ZNF423: variants seen among roughly 807,000 people sequenced by gnomAD.
ZNF423 encodes the protein zinc finger protein 423.
A neutral mutation model predicts 95.8 loss-of-function variants in ZNF423; 12 were observed. That is an observed-to-expected ratio of 0.13 (90% CI 0.08 to 0.20). The LOEUF (loss-of-function observed/expected upper bound fraction) is 0.20, where lower values mean the gene tolerates loss of function less well. ZNF423 is among the 10% of genes least tolerant of loss of function. The pLI is 1.00. For missense variants in ZNF423, 1,316 were observed against 1,737.1 expected (o/e 0.76, Z 4.31); for synonymous variants, 749 against 711.9 (o/e 1.05, Z -0.83).
At chr16:49,524,464 C>T (rs777424250) in intron 6 of ZNF423, among the ~76,000 whole-genome samples, 2 of 152,082 alleles carry the variant, frequency 1.3e-5, no homozygotes, top group African/African-American at 4.8e-5. Flanking sequence ...GGGGCTCCTG[C>T]GATGAGGGGG....
intron 2 of ZNF423, among the ~76,000 whole-genome samples, chr16:49,784,823 G>A (rs564228178): frequency 1.0e-3 from 156 of 151,982 alleles, no homozygotes; most frequent in South Asian, 3.3e-3. Context: ...GGTGGCACAC[G>A]TCTGTAATCC....
chr16:49,553,203 C>T (rs1037715873), intron 5 of ZNF423, among the ~76,000 whole-genome samples: 4 of 152,140 alleles, frequency 2.6e-5, no homozygotes, highest in African/African-American at 4.8e-5. Context: ...TTACCCTACA[C>T]AGGGATGTTA....
intron 5 of ZNF423, among the ~76,000 whole-genome samples, chr16:49,543,317 C>A (rs1969317687): frequency 6.6e-6 from 1 of 152,160 alleles, no homozygotes; most frequent in South Asian, 2.1e-4. Flanking sequence ...TTCTCCAGCA[C>A]CAGTCCTCAG....
chr16:49,856,916 C>CGGG (rs1694049815), upstream of ZNF423, among the ~76,000 whole-genome samples: 1 of 84,760 alleles, frequency 1.2e-5, no homozygotes, highest in Non-Finnish European at 2.3e-5. Context: ...GGAGGACGAG[C>CGGG]AGGCGGCGGC....
At chr16:49,709,460 A>G (rs1294481209) in intron 3 of ZNF423, among the ~76,000 whole-genome samples, 6 of 152,168 alleles carry the variant, frequency 3.9e-5, no homozygotes, top group African/African-American at 1.4e-4. Flanking sequence ...GCCAGGTACG[A>G]TGCCAGCCAC....
At chr16:49,858,788 G>A (rs1459118509), upstream of ZNF423, among the ~76,000 whole-genome samples, 1 of 151,996 alleles carries the variant, frequency 6.6e-6, no homozygotes, top group African/African-American at 2.4e-5. The surrounding 1 kb of genome is among the most constrained non-coding windows in gnomAD (Gnocchi z 4.3). Context: ...CAAGGGCCGA[G>A]GCGAGGGCAG....
At position 49,491,688 on chromosome 16, in the gene ZNF423, G is replaced by A. The variant is rs530724716; in HGVS notation, c.3850-384C>T. On this transcript the variant is annotated intron_variant, in intron 7 of 7. Coordinates refer to ENST00000563137, the MANE Select transcript of ZNF423 (RefSeq NM_001379286.1). ...CATCTCCCTTTTCCTCTAATGAAGA[G>A]GAGGAAACTCTGATCGCCTGCAGGC... is the stretch of plus-strand genomic sequence containing the variant. 3.9e-5 allele frequency among the ~76,000 whole-genome samples: 6 copies of A among 152,204 alleles called. No individual in the cohort carries two copies. In the South Asian group the frequency reaches 1.2e-3, roughly 32 times the overall value.
At chr16:49,688,159 C>G (rs1385029869) in intron 3 of ZNF423, among the ~76,000 whole-genome samples, 3 of 150,070 alleles carry the variant, frequency 2.0e-5, no homozygotes, top group Non-Finnish European at 1.5e-5. Context: ...CAGATCAAAC[C>G]TGAGGCCCGG....
At chr16:49,547,886 T>G (rs1969498374) in intron 5 of ZNF423, among the ~76,000 whole-genome samples, 1 of 152,204 alleles carries the variant, frequency 6.6e-6, no homozygotes, top group Non-Finnish European at 1.5e-5. Flanking sequence ...TTTACATAAT[T>G]GGGAAGGAGG....
intron 5 of ZNF423, among the ~76,000 whole-genome samples, chr16:49,620,132 T>TACACACACACAC (rs56739115): frequency 5.5e-4 from 79 of 143,874 alleles, no homozygotes; most frequent in African/African-American, 1.9e-3. Context: ...CTCTCTCTTC[T>TACACACACACAC]ACACACACAC....
chr16:49,851,306 C>CG (rs1270836285), intron 1 of ZNF423, among the ~76,000 whole-genome samples: 1 of 152,118 alleles, frequency 6.6e-6, no homozygotes, highest in East Asian at 1.9e-4. Context: ...TTCAAAGAGC[C>CG]GGGGAGCATG....
At position 49,830,667 on chromosome 16, in the gene ZNF423, G is replaced by A. The variant is rs1211987081; in HGVS notation, c.40+25068C>T. On this transcript the variant is annotated intron_variant, in intron 1 of 7. Coordinates refer to ENST00000563137, the MANE Select transcript of ZNF423 (RefSeq NM_001379286.1). ...GTCTTTGGACACTGATGTGTCGGGG[G>A]GTGATGTCTGGCACCACAGCAGCCA... is the stretch of plus-strand genomic sequence containing the variant. Among the ~76,000 whole-genome samples the A allele has an allele frequency of 3.3e-5, 5 of 152,142 alleles. No homozygotes were observed. The East Asian group carries it at 9.7e-4, about 29-fold the overall frequency.
chr16:49,552,154 G>A (rs960733457), intron 5 of ZNF423, among the ~76,000 whole-genome samples: 2 of 152,182 alleles, frequency 1.3e-5, no homozygotes, highest in South Asian at 2.1e-4. Context: ...ACTGTCCCAC[G>A]TGCAGCTGTT....
intron 2 of ZNF423, among the ~76,000 whole-genome samples, chr16:49,736,744 G>A (rs1415971940): frequency 1.3e-5 from 2 of 152,202 alleles, no homozygotes; most frequent in Non-Finnish European, 2.9e-5. Flanking sequence ...GCAGTGAGCC[G>A]TGTTCGCACC....
intron 5 of ZNF423, among the ~76,000 whole-genome samples, chr16:49,605,349 G>A (rs1971504468): frequency 6.6e-6 from 1 of 152,214 alleles, no homozygotes. Flanking sequence ...ATCCATCCCA[G>A]CCTCTGGCCA....
At chr16:49,594,872 G>A (rs1971133690) in intron 5 of ZNF423, among the ~76,000 whole-genome samples, 1 of 152,230 alleles carries the variant, frequency 6.6e-6, no homozygotes, top group African/African-American at 2.4e-5. Context: ...GGCACACACA[G>A]GGCTGTCAAC....
intron 5 of ZNF423, among the ~76,000 whole-genome samples, chr16:49,554,437 C>T (rs1009103731): frequency 6.6e-6 from 1 of 152,108 alleles, no homozygotes; most frequent in African/African-American, 2.4e-5. Context: ...ACAATCTGGC[C>T]GAACATCCTC....
At chr16:49,834,453 A>G (rs1454107428) in intron 1 of ZNF423, among the ~76,000 whole-genome samples, 1 of 152,188 alleles carries the variant, frequency 6.6e-6, no homozygotes, top group Non-Finnish European at 1.5e-5. Flanking sequence ...AACAGCAGAC[A>G]AAGGATTTGA....
intron 3 of ZNF423, chr16:49,664,243 G>A (rs2030411391): frequency 6.1e-6 from 6 of 985,436 alleles, no homozygotes; most frequent in South Asian, 4.7e-5. Flanking sequence ...GCCACGGGAC[G>A]CATCCCCACC....
Sources: gnomAD v4.1 joint callset for allele counts (sites outside exome capture counted in the v4.1 genomes callset) on GRCh38, gnomAD v4.1.1 for gene constraint, Gnocchi (gnomAD v3.1) non-coding constraint, MANE v1.5 for transcripts, NCBI Gene and HGNC (gene_info 2026-07-23, HGNC 2026-07-21) for gene names.